SNTB1: variants seen among roughly 807,000 people sequenced by gnomAD.
SNTB1 encodes the protein beta-1-syntrophin.
Under a neutral mutation model 48.9 loss-of-function variants are expected in SNTB1, and 36 were observed. That is an observed-to-expected ratio of 0.74 (90% CI 0.56 to 0.97). The LOEUF (loss-of-function observed/expected upper bound fraction) is 0.97. Ranked by LOEUF, SNTB1 falls within the 50% of genes least tolerant of loss-of-function variation. The pLI is 0.00. For synonymous variants in SNTB1, 299 were observed against 294.6 expected, an observed-to-expected ratio of 1.01 and a Z score of -0.15; for missense variants, 786 against 703.4, an observed-to-expected ratio of 1.12 and a Z score of -1.33.
rs540956497 is a variant in SNTB1 at position 120,665,281 on chromosome 8, G to A, written c.788+28411C>T. 7.9e-5 allele frequency among the ~76,000 whole-genome samples: 12 copies of A among 151,930 alleles called. No homozygotes were observed. In the East Asian group the frequency reaches 2.1e-3, roughly 27 times the overall value. On this transcript the variant is annotated intron_variant, in intron 2 of 6. Coordinates refer to ENST00000517992, the MANE Select transcript of SNTB1 (RefSeq NM_021021.4). The stretch of plus-strand genomic sequence containing the variant: ...AGCCTGGCCAACATAGTGAAACCCC[G>A]TCTCTACTAAAAATACAAAAATTAG...
intron 4 of SNTB1, 151 bp downstream of exon 4, chr8:120,574,935 C>T: frequency 1.2e-6 from 1 of 854,786 alleles, no homozygotes; most frequent in Non-Finnish European, 1.8e-6. Context: ...GATCATTAAT[C>T]TATGTGGCTA....
intron 2 of SNTB1, among the ~76,000 whole-genome samples, chr8:120,641,640 C>T (rs1473821038): frequency 1.3e-5 from 2 of 152,154 alleles, no homozygotes; most frequent in African/African-American, 4.8e-5. Context: ...TTTAAGTAAA[C>T]TTTAAAAGTG....
At chr8:120,683,024 G>A (rs1425818818) in intron 2 of SNTB1, among the ~76,000 whole-genome samples, 1 of 151,642 alleles carries the variant, frequency 6.6e-6, no homozygotes, top group Non-Finnish European at 1.5e-5. Context: ...TGGGACTACA[G>A]GCGCCCGCCA....
intron 2 of SNTB1, among the ~76,000 whole-genome samples, chr8:120,688,986 A>G (rs1277997067): frequency 2.0e-5 from 3 of 152,212 alleles, no homozygotes; most frequent in Admixed American, 2.0e-4. Flanking sequence ...GGCCTGGCTC[A>G]GGGCAGTGGC....
chr8:120,553,768 G>A (rs1815520291), intron 4 of SNTB1, among the ~76,000 whole-genome samples: 1 of 152,218 alleles, frequency 6.6e-6, no homozygotes, highest in African/African-American at 2.4e-5. Flanking sequence ...GGAAGATGAG[G>A]CAGGTGGTCA....
At chr8:120,630,266 G>C (rs1409108293) in intron 3 of SNTB1, among the ~76,000 whole-genome samples, 1 of 152,184 alleles carries the variant, frequency 6.6e-6, no homozygotes, top group Non-Finnish European at 1.5e-5. Flanking sequence ...ACTAGCAGGG[G>C]GTCAGTGGGC....
At chr8:120,655,033 G>T (rs748820403) in intron 2 of SNTB1, 2 of 454,368 alleles carry the variant, frequency 4.4e-6, no homozygotes, top group Non-Finnish European at 8.8e-6. Context: ...GATTCCTATG[G>T]CTGATGAAAA....
chr8:120,807,859 A>G (rs1820361248), intron 1 of SNTB1, among the ~76,000 whole-genome samples: 1 of 152,202 alleles, frequency 6.6e-6, no homozygotes, highest in African/African-American at 2.4e-5. Context: ...AAGCTTTCAT[A>G]TCAGATAGAT....
At chr8:120,609,278 T>C (rs957668178) in intron 3 of SNTB1, among the ~76,000 whole-genome samples, 4 of 152,222 alleles carry the variant, frequency 2.6e-5, no homozygotes, top group Non-Finnish European at 4.4e-5. Flanking sequence ...GAGTTCAGTG[T>C]GGAATTGCCC....
chr8:120,728,699 C>T (rs1464003238), intron 1 of SNTB1, among the ~76,000 whole-genome samples: 2 of 152,176 alleles, frequency 1.3e-5, no homozygotes, highest in African/African-American at 4.8e-5. Flanking sequence ...CATAGTATTC[C>T]ATGATGTATA....
intron 1 of SNTB1, among the ~76,000 whole-genome samples, chr8:120,723,846 A>G (rs1181090092): frequency 1.3e-5 from 2 of 152,264 alleles, no homozygotes; most frequent in Admixed American, 6.5e-5. Flanking sequence ...AGTAAACGGC[A>G]GCTATTGTTA....
chr8:120,731,619 T>A (rs1818852334), intron 1 of SNTB1, among the ~76,000 whole-genome samples: 1 of 152,262 alleles, frequency 6.6e-6, no homozygotes, highest in Non-Finnish European at 1.5e-5. Flanking sequence ...CAGGAAAACA[T>A]CTTGGTGATC....
At chr8:120,732,813 C>G (rs747848752) in intron 1 of SNTB1, among the ~76,000 whole-genome samples, 5 of 152,122 alleles carry the variant, frequency 3.3e-5, no homozygotes, top group Non-Finnish European at 5.9e-5. Context: ...GCTGTGCACT[C>G]CAGCCCAGCC....
At chr8:120,581,361 T>C (rs111517792) in intron 3 of SNTB1, among the ~76,000 whole-genome samples, 1 of 152,152 alleles carries the variant, frequency 6.6e-6, no homozygotes, top group African/African-American at 2.4e-5. Context: ...CCCAGCATTT[T>C]GGGAGGCCGA....
rs115900269 is a variant in SNTB1 at position 120,548,384 on chromosome 8, T to C, written c.1333+378A>G. On this transcript the variant is annotated intron_variant, in intron 5 of 6. Transcript: ENST00000517992. The stretch of plus-strand genomic sequence containing the variant: ...GATCAATCCTATTAACTGCCTAATA[T>C]ATTTCCAATAATTTTATTCTGTGAT... Among the ~76,000 whole-genome samples, 784 of 152,328 alleles carry C rather than the reference T, an allele frequency of 5.1e-3. 8 individuals are homozygous for C. Among genetic ancestry groups the C allele is most frequent in the African/African-American group, 0.018 (743 of 41,568 alleles).
chr8:120,805,822 C>A (rs1222580253), intron 1 of SNTB1, among the ~76,000 whole-genome samples: 1 of 152,118 alleles, frequency 6.6e-6, no homozygotes, highest in African/African-American at 2.4e-5. Flanking sequence ...GATAAGCATC[C>A]CTTATCTACT....
intron 2 of SNTB1, among the ~76,000 whole-genome samples, chr8:120,653,748 G>A (rs1358254496): frequency 6.6e-6 from 1 of 152,032 alleles, no homozygotes; most frequent in African/African-American, 2.4e-5. Flanking sequence ...TTAAAAAGTT[G>A]TCTTCTTAGG....
At chr8:120,793,949 C>T (rs765720711) in intron 1 of SNTB1, among the ~76,000 whole-genome samples, 3 of 151,944 alleles carry the variant, frequency 2.0e-5, no homozygotes, top group Non-Finnish European at 4.4e-5. Context: ...TATGTCTCAG[C>T]TTATTTTTAA....
At chr8:120,669,337 G>C (rs4871093) in intron 2 of SNTB1, among the ~76,000 whole-genome samples, 70,660 of 151,736 alleles carry the variant, frequency 0.47, 18,208 homozygotes, top group African/African-American at 0.7. Context: ...GATTCACTAA[G>C]AAATTGAATT....
Sources: gnomAD v4.1 joint callset for allele counts (sites outside exome capture counted in the v4.1 genomes callset) on GRCh38, gnomAD v4.1.1 for gene constraint, MANE v1.5 for transcripts, NCBI Gene and HGNC (gene_info 2026-07-23, HGNC 2026-07-21) for gene names.